The following HNRNPA3 variants were observed in gnomAD, a reference collection of about 807,000 sequenced individuals.
The protein encoded by HNRNPA3 is epididymis secretory sperm binding protein.
A neutral mutation model predicts 45.8 loss-of-function variants in HNRNPA3; 3 were observed. The ratio of observed to expected loss-of-function variants is 0.07; its 90% CI spans 0.03 to 0.17. HNRNPA3 has a LOEUF of 0.17. Among genes scored for constraint, HNRNPA3 ranks in the 10% least tolerant of loss-of-function variants. The pLI is 1.00. For synonymous variants in HNRNPA3, 170 were observed against 155.6 expected (o/e 1.09, Z -0.69); for missense variants, 183 against 480.3 (o/e 0.38, Z 5.79).
At chr2:177,220,426 CTTA>C (rs1352635851), downstream of HNRNPA3, 2 of 154,056 alleles carry the variant, frequency 1.3e-5, no homozygotes, top group Non-Finnish European at 2.9e-5. Flanking sequence ...CCTTTTTTTT[CTTA>C]TTTAAAGCAC....
intron 1 of HNRNPA3, among the ~76,000 whole-genome samples, chr2:177,215,156 G>A (rs1255420877): frequency 6.6e-6 from 1 of 152,122 alleles, no homozygotes; most frequent in Admixed American, 6.5e-5. Flanking sequence ...AGGCTGGAGT[G>A]TAATGACATG....
downstream of HNRNPA3, chr2:177,222,237 A>G (rs1488558151): frequency 6.6e-6 from 1 of 152,484 alleles, no homozygotes; most frequent in Admixed American, 6.5e-5. Flanking sequence ...GGCACATTGG[A>G]AAAATTCTTC....
chr2:177,213,585 A>G (rs1056077508), intron 1 of HNRNPA3, among the ~76,000 whole-genome samples: 1 of 152,212 alleles, frequency 6.6e-6, no homozygotes, highest in Non-Finnish European at 1.5e-5. Context: ...ATTTTTGCTA[A>G]AGTACTTACA....
intron 7 of HNRNPA3, among the ~76,000 whole-genome samples, chr2:177,217,461 C>T (rs535887579): frequency 1.2e-4 from 19 of 152,176 alleles, no homozygotes; most frequent in African/African-American, 1.7e-4. Flanking sequence ...ATAAGGAGAC[C>T]GTATATCTAG....
At chr2:177,217,922 T>C in intron 8 of HNRNPA3, 77 bp downstream of exon 8, 13 of 1,351,054 alleles carry the variant, frequency 9.6e-6, no homozygotes, top group Non-Finnish European at 1.2e-5. Context: ...ATTTGGAAAG[T>C]GTTAAAAGCG....
downstream of HNRNPA3, chr2:177,223,568 A>G (rs940875768): frequency 2.0e-5 from 3 of 152,232 alleles, no homozygotes; most frequent in Non-Finnish European, 4.4e-5. Flanking sequence ...ACTAATTGAA[A>G]TAGGCTTGGT....
At chr2:177,218,108 C>G (rs1689034672) in intron 8 of HNRNPA3, among the ~76,000 whole-genome samples, 1 of 129,432 alleles carries the variant, frequency 7.7e-6, no homozygotes, top group African/African-American at 3.1e-5. Context: ...GTTGCCCAGG[C>G]TGGAGTGCAG....
downstream of HNRNPA3, chr2:177,223,222 G>A (rs1000515874): frequency 6.6e-6 from 1 of 152,114 alleles, no homozygotes; most frequent in African/African-American, 2.4e-5. Flanking sequence ...TGTTGAATAA[G>A]GTAACAGCCT....
At chr2:177,213,905 A>G (rs1688803995) in intron 1 of HNRNPA3, among the ~76,000 whole-genome samples, 1 of 152,208 alleles carries the variant, frequency 6.6e-6, no homozygotes, top group Non-Finnish European at 1.5e-5. Context: ...CGATTTCGTT[A>G]TTGTCAATCG....
chr2:177,221,515 T>G (rs1689186497), downstream of HNRNPA3: 2 of 152,660 alleles, frequency 1.3e-5, no homozygotes, highest in Non-Finnish European at 2.9e-5. Context: ...ACATTTACAG[T>G]AAGTTGATGT....
intron 8 of HNRNPA3, 137 bp from the exon 9 acceptor site, chr2:177,218,900 G>T: frequency 9.9e-7 from 1 of 1,009,696 alleles, no homozygotes; most frequent in Non-Finnish European, 1.5e-6. Flanking sequence ...CCTGACATCA[G>T]TTACCCCAAG....
downstream of HNRNPA3, chr2:177,220,407 T>A (rs1689137062): frequency 6.5e-6 from 1 of 154,528 alleles, no homozygotes; most frequent in South Asian, 2.0e-4. Context: ...CTGAGCAAAT[T>A]AGTGGGTACC....
At chr2:177,218,486 T>C (rs938996125) in intron 8 of HNRNPA3, among the ~76,000 whole-genome samples, 9 of 152,200 alleles carry the variant, frequency 5.9e-5, no homozygotes, top group African/African-American at 2.2e-4. Context: ...CTTGGTACTT[T>C]TAAACTGGAC....
rs1158235921 is a variant in HNRNPA3 at position 177,219,334 on chromosome 2, T to C, written c.*15+20T>C. Reference sequence around the variant, plus strand: ...AAAAGGGTAGGTATCTTTAAATTTTTATTATGATGATAAAAGAATATGTGG... The same window carrying C: ...AAAAGGGTAGGTATCTTTAAATTTTCATTATGATGATAAAAGAATATGTGG... On this transcript the variant is annotated intron_variant, in intron 10 of 10. Transcript: ENST00000392524. The C allele has an allele frequency of 6.5e-7, 1 of 1,545,140 alleles. No individual in the cohort carries two copies. Among genetic ancestry groups the C allele is most frequent in the South Asian group, 1.1e-5 (1 of 87,360 alleles).
chr2:177,222,640 C>CA (rs1345210695), downstream of HNRNPA3: 2 of 152,118 alleles, frequency 1.3e-5, 1 homozygote, highest in East Asian at 3.9e-4. Context: ...AGCCTGTCAA[C>CA]AAAAAATAGA....
At chr2:177,213,149 C>CGA (rs1258353880) in intron 1 of HNRNPA3, among the ~76,000 whole-genome samples, 3 of 149,596 alleles carry the variant, frequency 2.0e-5, no homozygotes, top group Non-Finnish European at 3.0e-5. Context: ...GCCTCCGAAG[C>CGA]GAGGCCGAGG....
chr2:177,215,658 T>C, exon 2 of HNRNPA3: 2 of 1,613,948 alleles, frequency 1.2e-6, no homozygotes, highest in Non-Finnish European at 1.7e-6. Context: ...TCACAGATTG[T>C]GTGGTAAGTT....
chr2:177,218,576 C>T (rs891172300), intron 8 of HNRNPA3, among the ~76,000 whole-genome samples: 4 of 152,176 alleles, frequency 2.6e-5, no homozygotes, highest in Non-Finnish European at 5.9e-5. Context: ...TAACAAAGTA[C>T]TTTGGGTCTT....
chr2:177,216,958 A>T lies in HNRNPA3; in HGVS notation c.820+18A>T. 2 of 1,483,486 alleles carry T rather than the reference A, an allele frequency of 1.3e-6. No individual in the cohort carries two copies. The highest frequency in any genetic ancestry group is 1.8e-6 in the Non-Finnish European group (2 of 1,104,532). 91.9% of individuals were successfully genotyped at this position (1,483,486 alleles called of 1,614,324 possible). A position where few individuals can be genotyped will look rare whatever the true frequency, so the allele number is the denominator to read the frequency against. The stretch of plus-strand genomic sequence containing the variant: ...AGGTGATGGTAGGTGGCTTATTTTC[A>T]TTGATGTTTGATATTTTAACTTTCT... On this transcript the variant is annotated intron_variant, in intron 7 of 10. Coordinates refer to ENST00000392524, the Ensembl canonical transcript of HNRNPA3.
Sources: gnomAD v4.1 joint callset for allele counts (sites outside exome capture counted in the v4.1 genomes callset) on GRCh38, gnomAD v4.1.1 for gene constraint, MANE v1.5 for transcripts, NCBI Gene and HGNC (gene_info 2026-07-23, HGNC 2026-07-21) for gene names.